KIAA1217: variants seen among roughly 807,000 people sequenced by gnomAD.
The protein encoded by KIAA1217 is KIAA1217.
KIAA1217 carries 88 observed loss-of-function variants against 163.9 expected under a neutral mutation model. The observed-to-expected ratio is 0.54, with a 90% confidence interval of 0.45 to 0.64. The LOEUF (loss-of-function observed/expected upper bound fraction) is 0.64. KIAA1217 is among the 30% of genes least tolerant of loss of function. The pLI is 0.00. For synonymous variants in KIAA1217, 903 were observed against 923.1 expected (o/e 0.98, Z 0.39); for missense variants, 2,372 against 2,475.0 (o/e 0.96, Z 0.88).
At chr10:24,239,150 A>G (rs1476917816) in intron 2 of KIAA1217, 11 of 985,390 alleles carry the variant, frequency 1.1e-5, no homozygotes, top group Non-Finnish European at 1.3e-5. Flanking sequence ...ATAGGCTACA[A>G]GTAGGTTTTA....
chr10:24,103,925 A>G (rs111621715), intron 2 of KIAA1217, among the ~76,000 whole-genome samples: 3,612 of 152,268 alleles, frequency 0.024, 139 homozygotes, highest in African/African-American at 0.083. Flanking sequence ...ACCAACACAA[A>G]CATATTCAAC....
intron 2 of KIAA1217, among the ~76,000 whole-genome samples, chr10:24,227,285 G>T (rs2070715640): frequency 1.3e-5 from 2 of 151,374 alleles, no homozygotes; most frequent in Non-Finnish European, 2.9e-5. Context: ...AGCCTCCCAA[G>T]TAGCTGGGAT....
intron 1 of KIAA1217, among the ~76,000 whole-genome samples, chr10:23,843,816 G>T (rs139929126): frequency 1.3e-5 from 2 of 152,042 alleles, no homozygotes; most frequent in Non-Finnish European, 2.9e-5. Flanking sequence ...AAATTCAACC[G>T]ATCTCTTCCT....
chr10:24,131,526 GAAC>G (rs2063651383), intron 2 of KIAA1217, among the ~76,000 whole-genome samples: 1 of 152,138 alleles, frequency 6.6e-6, no homozygotes, highest in Non-Finnish European at 1.5e-5. Context: ...ACCATATCCT[GAAC>G]TGCAGCCCTT....
At chr10:23,939,890 CTATT>C (rs1325715918) in intron 1 of KIAA1217, among the ~76,000 whole-genome samples, 4 of 150,148 alleles carry the variant, frequency 2.7e-5, no homozygotes, top group South Asian at 2.1e-4. Context: ...TAAATATAAA[CTATT>C]TATTAAATAT....
At chr10:24,259,370 T>G (rs1400463010) in intron 2 of KIAA1217, among the ~76,000 whole-genome samples, 2 of 152,164 alleles carry the variant, frequency 1.3e-5, no homozygotes, top group Non-Finnish European at 2.9e-5. Flanking sequence ...TTCAGTGCTT[T>G]GGGAGGCTGA....
intron 1 of KIAA1217, among the ~76,000 whole-genome samples, chr10:23,960,711 T>C (rs1020009516): frequency 6.6e-6 from 1 of 152,208 alleles, no homozygotes; most frequent in African/African-American, 2.4e-5. Flanking sequence ...CCAGGGCCAA[T>C]AAATAAATGG....
At chr10:24,344,880 T>C (rs2047528436) in intron 2 of KIAA1217, among the ~76,000 whole-genome samples, 1 of 152,210 alleles carries the variant, frequency 6.6e-6, no homozygotes, top group African/African-American at 2.4e-5. Flanking sequence ...GTTGATACAA[T>C]TAAGAACTGT....
intron 2 of KIAA1217, among the ~76,000 whole-genome samples, chr10:24,097,028 G>A (rs987824284): frequency 3.9e-5 from 6 of 152,158 alleles, no homozygotes; most frequent in Non-Finnish European, 8.8e-5. Context: ...GTAACGGTGG[G>A]CCATTGAAGG....
At chr10:24,063,793 G>T (rs1263002622) in intron 2 of KIAA1217, among the ~76,000 whole-genome samples, 12 of 152,010 alleles carry the variant, frequency 7.9e-5, no homozygotes, top group African/African-American at 1.2e-4. Flanking sequence ...TTCTTCCATT[G>T]GTTTGTATCC....
chr10:24,544,894 C>A, intron 19 of KIAA1217, 87 bp from the exon 20 acceptor site: 2 of 1,447,352 alleles, frequency 1.4e-6, no homozygotes, highest in Non-Finnish European at 1.9e-6. Context: ...TCACCTTGAG[C>A]TTCTCTGCAC....
At chr10:23,812,664 C>T (rs1304200433) in intron 1 of KIAA1217, among the ~76,000 whole-genome samples, 1 of 152,110 alleles carries the variant, frequency 6.6e-6, no homozygotes, top group Non-Finnish European at 1.5e-5. Context: ...AACCCTGTGC[C>T]CACTGGCTGT....
At chr10:24,302,157 G>A (rs370526436) in intron 2 of KIAA1217, among the ~76,000 whole-genome samples, 2 of 152,308 alleles carry the variant, frequency 1.3e-5, no homozygotes, top group African/African-American at 4.8e-5. Flanking sequence ...ACTACCATTT[G>A]TAAAAAGCAT....
upstream of KIAA1217, among the ~76,000 whole-genome samples, chr10:24,205,193 G>A (rs1338138235): frequency 2.0e-5 from 3 of 149,950 alleles, no homozygotes; most frequent in Non-Finnish European, 3.0e-5. Flanking sequence ...GCTCACGCCT[G>A]TAATCCCAGC....
rs145306907 is a variant in KIAA1217, at chr10:23,730,161, A to G, written c.-321+34927A>G. On this transcript the variant is annotated intron_variant, in intron 1 of 18. Transcript: ENST00000376462. ...CGTGATCTGCCCGCCTCGGCCTCCCAAAGTGCTGGGATTACAGGCGTGAGC... is the reference window on the plus strand; with the variant it reads ...CGTGATCTGCCCGCCTCGGCCTCCCGAAGTGCTGGGATTACAGGCGTGAGC... Among the ~76,000 whole-genome samples, 1,056 of 152,314 alleles carry G rather than the reference A, an allele frequency of 6.9e-3. 15 individuals are homozygous for G. The highest frequency in any genetic ancestry group is 0.024 in the African/African-American group (1,004 of 41,558).
intron 2 of KIAA1217, among the ~76,000 whole-genome samples, chr10:24,363,566 TG>T (rs1343522172): frequency 6.9e-6 from 1 of 144,126 alleles, no homozygotes; most frequent in African/African-American, 2.7e-5. Flanking sequence ...GTTTTGTTTT[TG>T]TTTTTTTTTT....
chr10:24,109,225 A>C (rs1257739238), intron 2 of KIAA1217, among the ~76,000 whole-genome samples: 1 of 152,226 alleles, frequency 6.6e-6, no homozygotes, highest in Non-Finnish European at 1.5e-5. Context: ...CAAAACAAAC[A>C]AACGATGCCA....
At position 24,525,017 on chromosome 10, in the gene KIAA1217, G is replaced by GGTGAGACACCTGGCCTGTAGGAAC. The variant is rs1333702066; in HGVS notation, c.2898+261_2898+262insCCTGGCCTGTAGGAACGTGAGACA. Among the ~76,000 whole-genome samples the GGTGAGACACCTGGCCTGTAGGAAC allele has an allele frequency of 7.2e-4, 106 of 148,194 alleles. No individual in the cohort carries two copies. In the Middle Eastern group the frequency reaches 0.014, roughly 19 times the overall value. On this transcript the variant is annotated intron_variant, in intron 13 of 20. Coordinates refer to ENST00000376454, the MANE Select transcript of KIAA1217 (RefSeq NM_019590.5). Reference sequence around the variant, plus strand: ...AGGTGAGACACCTGGCCTGTAGGAAGGTGAGACAGCAGTGTGCTGGTAAAT... The same window carrying GGTGAGACACCTGGCCTGTAGGAAC: ...AGGTGAGACACCTGGCCTGTAGGAAGGTGAGACACCTGGCCTGTAGGAACGTGAGACAGCAGTGTGCTGGTAAAT...
chr10:23,762,097 T>C, intron 1 of KIAA1217, among the ~76,000 whole-genome samples: 1 of 152,066 alleles, frequency 6.6e-6, no homozygotes, highest in Non-Finnish European at 1.5e-5. Context: ...AGTTCTGAAA[T>C]TGAGGTAGTA....
Sources: allele counts gnomAD v4.1 joint callset (sites outside exome capture counted in the v4.1 genomes callset), GRCh38; gene constraint gnomAD v4.1.1; transcripts MANE v1.5; gene names NCBI Gene and HGNC (gene_info 2026-07-23, HGNC 2026-07-21).